Variants in ZDHHC17 observed in about 807,000 individuals in gnomAD.
ZDHHC17 encodes the protein palmitoyltransferase ZDHHC17.
A neutral mutation model predicts 90.3 loss-of-function variants in ZDHHC17; 40 were observed. The observed-to-expected ratio is 0.44, with a 90% CI of 0.34 to 0.58. The LOEUF is 0.58. Ranked by LOEUF, ZDHHC17 falls within the 20% of genes least tolerant of loss-of-function variation. ZDHHC17 has a pLI of 0.01. For missense variants in ZDHHC17, 614 were observed against 780.8 expected, an observed-to-expected ratio of 0.79 and a Z score of 2.55; for synonymous variants, 235 against 252.4, an observed-to-expected ratio of 0.93 and a Z score of 0.65.
In ZDHHC17 at chr12:76,828,626, CTAATA is replaced by C. The variant is rs1953260236; in HGVS notation, c.1141+140_1141+144del. On this transcript the variant is annotated intron_variant, in intron 10 of 16. Coordinates refer to ENST00000426126, the MANE Select transcript of ZDHHC17 (RefSeq NM_015336.4). The stretch of plus-strand genomic sequence containing the variant: ...TAGTGTTCCTAGAAAATTTAGTAAA[CTAATA>C]TAAGTAATGTTTTTAAATATTTAAT... The C allele has an allele frequency of 6.0e-6, 4 of 667,074 alleles. No homozygotes were observed. In the East Asian group the frequency reaches 9.0e-5, roughly 15 times the overall value. 41.3% of individuals were successfully genotyped at this position (667,074 alleles called of 1,614,324 possible). A position where few individuals can be genotyped will look rare whatever the true frequency, so the allele number is the denominator to read the frequency against.
chr12:76,809,985 T>C (rs1315108641), intron 5 of ZDHHC17, 128 bp downstream of exon 5: 5 of 955,118 alleles, frequency 5.2e-6, no homozygotes, highest in Non-Finnish European at 7.6e-6. Context: ...AGAACATAAA[T>C]ATAGTGAGTT....
At chr12:76,779,581 T>C (rs1306959639) in intron 1 of ZDHHC17, among the ~76,000 whole-genome samples, 1 of 152,182 alleles carries the variant, frequency 6.6e-6, no homozygotes, top group Non-Finnish European at 1.5e-5. Context: ...GTGGGAATTA[T>C]GGGAACTACA....
chr12:76,822,192 TC>T (rs1373132945), intron 7 of ZDHHC17, among the ~76,000 whole-genome samples: 4 of 152,214 alleles, frequency 2.6e-5, no homozygotes, highest in Non-Finnish European at 5.9e-5. Context: ...AAAAATAAAA[TC>T]TACGGAATAT....
At position 76,788,688 on chromosome 12, in the gene ZDHHC17, A is replaced by ATATTTTTTTTTT. The variant is rs61663401; in HGVS notation, c.94-8745_94-8744insATTTTTTTTTTT. 9.2e-3 allele frequency among the ~76,000 whole-genome samples: 908 copies of ATATTTTTTTTTT among 98,562 alleles called. 147 individuals carry two copies. Among genetic ancestry groups the ATATTTTTTTTTT allele is most frequent in the East Asian group, 0.03 (83 of 2,742 alleles). 64.7% of individuals were successfully genotyped at this position (98,562 alleles called of 152,430 possible). ...AAAATATATTTAAGTTGGAATCGCAATTTTTTTTTTTTTTTTTTTTTTTTT... is the reference window on the plus strand; with the variant it reads ...AAAATATATTTAAGTTGGAATCGCAATATTTTTTTTTTTTTTTTTTTTTTTTTTTTTTTTTTT... On this transcript the variant is annotated intron_variant, in intron 1 of 16. Transcript: ENST00000426126.
chr12:76,776,987 C>G (rs1295655653), intron 1 of ZDHHC17, among the ~76,000 whole-genome samples: 1 of 152,160 alleles, frequency 6.6e-6, no homozygotes, highest in Non-Finnish European at 1.5e-5. Flanking sequence ...TAAGAAATAA[C>G]ACGGAGAGAT....
intron 1 of ZDHHC17, among the ~76,000 whole-genome samples, chr12:76,785,567 T>C (rs566866329): frequency 2.1e-4 from 32 of 152,358 alleles, no homozygotes; most frequent in African/African-American, 6.5e-4. Flanking sequence ...GAAAAAATTA[T>C]TGTTCACCAT....
At chr12:76,815,758 A>G in intron 6 of ZDHHC17, 99 bp from the exon 7 acceptor site, 1 of 1,263,728 alleles carries the variant, frequency 7.9e-7, no homozygotes, top group Non-Finnish European at 1.0e-6. Flanking sequence ...CCAAAATGGA[A>G]TGCTACTGTA....
chr12:76,807,778 A>G (rs1952972324), intron 3 of ZDHHC17, among the ~76,000 whole-genome samples: 1 of 152,162 alleles, frequency 6.6e-6, no homozygotes, highest in Non-Finnish European at 1.5e-5. Flanking sequence ...GACTATAGAG[A>G]AGGGGATGAA....
intron 1 of ZDHHC17, chr12:76,769,296 G>A (rs1031166381): frequency 6.3e-6 from 1 of 158,522 alleles, no homozygotes; most frequent in Non-Finnish European, 1.4e-5. Flanking sequence ...CTGACCTCAG[G>A]TGATCCACCC....
At chr12:76,830,057 A>T (rs1321484649) in intron 10 of ZDHHC17, among the ~76,000 whole-genome samples, 1 of 121,690 alleles carries the variant, frequency 8.2e-6, no homozygotes, top group Non-Finnish European at 1.8e-5. Flanking sequence ...TAAAGACAGC[A>T]AGCCAATGCC....
intron 6 of ZDHHC17, 104 bp from the exon 7 acceptor site, chr12:76,815,753 A>G (rs1457982901): frequency 8.1e-7 from 1 of 1,235,336 alleles, no homozygotes; most frequent in African/African-American, 1.6e-5. Flanking sequence ...GTGTTCCAAA[A>G]TGGAATGCTA....
chr12:76,813,652 T>G (rs540209411), intron 5 of ZDHHC17, among the ~76,000 whole-genome samples: 2 of 152,230 alleles, frequency 1.3e-5, no homozygotes, highest in South Asian at 2.1e-4. Context: ...CTCCACTGAT[T>G]GGTGAATTAG....
At chr12:76,784,172 G>T (rs773889960) in intron 1 of ZDHHC17, among the ~76,000 whole-genome samples, 1 of 152,168 alleles carries the variant, frequency 6.6e-6, no homozygotes, top group African/African-American at 2.4e-5. Flanking sequence ...CATGGAAAAT[G>T]GGTATTATGA....
intron 1 of ZDHHC17, chr12:76,769,004 T>C: frequency 3.8e-6 from 1 of 261,374 alleles, no homozygotes; most frequent in Non-Finnish European, 8.2e-6. Flanking sequence ...ATCAAACTAT[T>C]GCTATTATCT....
intron 1 of ZDHHC17, among the ~76,000 whole-genome samples, chr12:76,785,533 T>A (rs1952674390): frequency 6.6e-6 from 1 of 152,216 alleles, no homozygotes; most frequent in African/African-American, 2.4e-5. Context: ...GGTGGTTATG[T>A]CCTGATAAAC....
Position 76,849,508 on chromosome 12 carries a change from C to A in ZDHHC17, c.1760+38C>A. 4 of 1,368,430 alleles carry A rather than the reference C, an allele frequency of 2.9e-6. No individual in the cohort carries two copies. In the South Asian group the frequency reaches 4.2e-5, roughly 14 times the overall value. The allele number at this position is 1,368,430 out of a possible 1,614,324, so 84.8% of individuals were successfully genotyped here. On this transcript the variant is annotated intron_variant, in intron 16 of 16. Transcript: ENST00000426126. The stretch of plus-strand genomic sequence containing the variant: ...TTATAAATTTAATATTTTACCTGGT[C>A]ATAAAAATTTTCTTACTAACCAGAC...
At chr12:76,837,655 T>C (rs1953384525) in intron 10 of ZDHHC17, among the ~76,000 whole-genome samples, 2 of 152,210 alleles carry the variant, frequency 1.3e-5, no homozygotes, top group African/African-American at 4.8e-5. Flanking sequence ...ATTTGTATAC[T>C]ATATGTAATT....
intron 1 of ZDHHC17, among the ~76,000 whole-genome samples, chr12:76,787,663 G>A (rs140593665): frequency 2.2e-4 from 34 of 152,048 alleles, no homozygotes; most frequent in South Asian, 6.2e-4. Flanking sequence ...GTGTGTGCGC[G>A]CGCAGGAGAG....
At chr12:76,768,081 T>C (rs1400770553) in intron 1 of ZDHHC17, among the ~76,000 whole-genome samples, 1 of 152,230 alleles carries the variant, frequency 6.6e-6, no homozygotes, top group Non-Finnish European at 1.5e-5. Flanking sequence ...GCAGTTTTCA[T>C]AGACCTAGGC....
Sources: allele counts gnomAD v4.1 joint callset (sites outside exome capture counted in the v4.1 genomes callset), GRCh38; gene constraint gnomAD v4.1.1; transcripts MANE v1.5; gene names NCBI Gene and HGNC (gene_info 2026-07-23, HGNC 2026-07-21).